Variants in GRM7 observed in about 807,000 individuals in gnomAD.
GRM7 encodes the protein glutamate metabotropic receptor 7, also known as metabotropic glutamate receptor 7.
Under a neutral mutation model 84.5 loss-of-function variants are expected in GRM7, and 35 were observed. That is an observed-to-expected ratio of 0.41 (90% CI 0.32 to 0.55). The LOEUF (loss-of-function observed/expected upper bound fraction) is 0.55. GRM7 is among the 20% of genes least tolerant of loss of function. The pLI, the probability that GRM7 is intolerant of heterozygous loss-of-function variation, is 0.19. For synonymous variants in GRM7, 487 were observed against 455.1 expected (o/e 1.07, Z -0.89); for missense variants, 1,003 against 1,194.6 (o/e 0.84, Z 2.36).
At chr3:7,685,396 A>G (rs1298515364) in intron 9 of GRM7, among the ~76,000 whole-genome samples, 2 of 152,166 alleles carry the variant, frequency 1.3e-5, no homozygotes. Context: ...GAAATACTTC[A>G]AGGACCTTAG....
chr3:7,413,474 G>A (rs543815538), intron 4 of GRM7, among the ~76,000 whole-genome samples: 15 of 152,322 alleles, frequency 9.8e-5, no homozygotes, highest in African/African-American at 3.4e-4. Flanking sequence ...CTAAGAGGAG[G>A]CAAGTCAGCA....
At chr3:7,394,531 CTAAT>C (rs534974934) in intron 4 of GRM7, among the ~76,000 whole-genome samples, 3 of 152,114 alleles carry the variant, frequency 2.0e-5, no homozygotes, top group African/African-American at 4.8e-5. Context: ...TGCTCATATA[CTAAT>C]TGTTATACAA....
At chr3:6,984,583 T>TC (rs1194921163) in intron 1 of GRM7, among the ~76,000 whole-genome samples, 3 of 152,330 alleles carry the variant, frequency 2.0e-5, no homozygotes, top group African/African-American at 7.2e-5. Flanking sequence ...CACCTTTTTT[T>TC]CTCTACCCTG....
intron 4 of GRM7, among the ~76,000 whole-genome samples, chr3:7,387,888 G>T (rs1471049114): frequency 6.6e-6 from 1 of 152,006 alleles, no homozygotes; most frequent in Non-Finnish European, 1.5e-5. Context: ...GCAGTTAGGA[G>T]ATTTTAACAA....
At chr3:7,417,222 A>C (rs3804980) in intron 5 of GRM7, among the ~76,000 whole-genome samples, 2 of 152,208 alleles carry the variant, frequency 1.3e-5, no homozygotes, top group Admixed American at 1.3e-4. Context: ...TTATAAGTGT[A>C]CCCAAAATAT....
intron 8 of GRM7, among the ~76,000 whole-genome samples, chr3:7,677,073 A>T (rs1700150045): frequency 6.6e-6 from 1 of 151,922 alleles, no homozygotes; most frequent in Non-Finnish European, 1.5e-5. Flanking sequence ...CATCCTGGCT[A>T]ACACGGTGAA....
chr3:7,154,516 G>T (rs1372353667), intron 2 of GRM7, among the ~76,000 whole-genome samples: 1 of 152,126 alleles, frequency 6.6e-6, no homozygotes, highest in East Asian at 1.9e-4. Context: ...ATCTGAAGGT[G>T]AAGTGAACTC....
intron 1 of GRM7, among the ~76,000 whole-genome samples, chr3:6,918,750 C>G (rs10490856): frequency 6.6e-6 from 1 of 152,008 alleles, no homozygotes; most frequent in Non-Finnish European, 1.5e-5. Context: ...AGATTAAAGG[C>G]TCAGATAATA....
chr3:6,958,407 A>T (rs968853314), intron 1 of GRM7, among the ~76,000 whole-genome samples: 1 of 152,222 alleles, frequency 6.6e-6, no homozygotes, highest in South Asian at 2.1e-4. Flanking sequence ...GTGTACTACA[A>T]TTTATTTATC....
chr3:7,482,541 G>T (rs774304955), intron 7 of GRM7, among the ~76,000 whole-genome samples: 3 of 152,190 alleles, frequency 2.0e-5, no homozygotes, highest in African/African-American at 7.2e-5. Flanking sequence ...TGTCCTTAGA[G>T]AGCGAGTTAT....
intron 4 of GRM7, among the ~76,000 whole-genome samples, chr3:7,337,169 AG>A (rs1335264993): frequency 2.0e-5 from 3 of 152,270 alleles, no homozygotes; most frequent in African/African-American, 7.2e-5. Flanking sequence ...AAATGGAGAA[AG>A]GACACCCTAT....
At chr3:7,635,972 G>T (rs1183978909) in intron 8 of GRM7, among the ~76,000 whole-genome samples, 1 of 152,130 alleles carries the variant, frequency 6.6e-6, no homozygotes, top group Admixed American at 6.5e-5. Context: ...CATTGCAGCT[G>T]GCTGTTTCAA....
chr3:7,693,643 C>CA (rs1386076831), intron 9 of GRM7: 1 of 1,526,744 alleles, frequency 6.5e-7, no homozygotes, highest in African/African-American at 1.4e-5. Context: ...GTGAGAAGTG[C>CA]AACTGCTACT....
At chr3:7,321,761 A>C (rs1167181481) in intron 4 of GRM7, among the ~76,000 whole-genome samples, 1 of 152,092 alleles carries the variant, frequency 6.6e-6, no homozygotes, top group African/African-American at 2.4e-5. Context: ...TTTTAAAAAA[A>C]GTTTTACAGA....
Position 7,283,331 on chromosome 3 carries a change from T to A in GRM7, c.737-15353T>A, listed in dbSNP as rs550141644. On this transcript the variant is annotated intron_variant, in intron 2 of 9. Coordinates refer to ENST00000357716, the MANE Select transcript of GRM7 (RefSeq NM_000844.4). Reference sequence around the variant, plus strand: ...ATTTTTGTGAGTTTAAGTTAGATAATGCGTATAAAGTAGCTGATGCAAAGC... The same window carrying A: ...ATTTTTGTGAGTTTAAGTTAGATAAAGCGTATAAAGTAGCTGATGCAAAGC... Among the ~76,000 whole-genome samples the A allele has an allele frequency of 2.5e-3, 381 of 152,236 alleles. 1 individual carries two copies. Among genetic ancestry groups the A allele is most frequent in the African/African-American group, 8.7e-3 (362 of 41,544 alleles).
At chr3:7,512,623 G>C (rs1700250571) in intron 7 of GRM7, among the ~76,000 whole-genome samples, 1 of 145,184 alleles carries the variant, frequency 6.9e-6, no homozygotes, top group Admixed American at 7.0e-5. Flanking sequence ...AGAGACATTT[G>C]GGAATTTGAG....
chr3:7,498,405 C>CAAGTAGACT (rs1699775956), intron 7 of GRM7, among the ~76,000 whole-genome samples: 1 of 152,332 alleles, frequency 6.6e-6, no homozygotes, highest in African/African-American at 2.4e-5. Context: ...ACTCAACTTA[C>CAAGTAGACT]AAGTAGACTG....
rs111712608 is a variant in GRM7 at position 7,579,382 on chromosome 3, A to G, written c.2451+25A>G. 3.7e-6 allele frequency: 5 copies of G among 1,352,250 alleles called. No homozygotes were observed. In the African/African-American group the frequency reaches 5.8e-5, roughly 16 times the overall value. 83.8% of individuals were successfully genotyped at this position (1,352,250 alleles called of 1,614,324 possible). ...GGTAAGTGAAAATGCACATCATAAT[A>G]TGTTTTTTAAAAATGTGTTCATTTT... On this transcript the variant is annotated intron_variant, in intron 8 of 9. Transcript: ENST00000357716.
intron 8 of GRM7, among the ~76,000 whole-genome samples, chr3:7,579,565 T>C (rs1248838970): frequency 1.3e-5 from 2 of 152,184 alleles, no homozygotes; most frequent in African/African-American, 2.4e-5. Context: ...ACCAACCAGA[T>C]GTAGCCTTTT....
Sources: allele counts gnomAD v4.1 joint callset (sites outside exome capture counted in the v4.1 genomes callset), GRCh38; gene constraint gnomAD v4.1.1; transcripts MANE v1.5; gene names NCBI Gene and HGNC (gene_info 2026-07-23, HGNC 2026-07-21).